The following RBKS variants were observed in gnomAD, a reference collection of about 807,000 sequenced individuals.
RBKS encodes the protein ribokinase.
Under a neutral mutation model 33.9 loss-of-function variants are expected in RBKS, and 33 were observed. The ratio of observed to expected loss-of-function variants is 0.97; its 90% CI spans 0.74 to 1.30. The LOEUF (loss-of-function observed/expected upper bound fraction) is 1.30, where lower values mean the gene tolerates loss of function less well. RBKS is among the 50% of genes most tolerant of loss of function. The pLI is 0.00. For missense variants in RBKS, 361 were observed against 392.6 expected (o/e 0.92, Z 0.68); for synonymous variants, 125 against 143.0 (o/e 0.87, Z 0.90).
At chr2:27,783,523 C>T (rs1677328256) in intron 7 of RBKS, among the ~76,000 whole-genome samples, 1 of 151,014 alleles carries the variant, frequency 6.6e-6, no homozygotes, top group African/African-American at 2.5e-5. Flanking sequence ...AGTCTGTGGA[C>T]CTGTGCCTTT....
At chr2:27,862,396 A>G (rs895655051) in intron 1 of RBKS, among the ~76,000 whole-genome samples, 3 of 152,236 alleles carry the variant, frequency 2.0e-5, no homozygotes, top group African/African-American at 7.2e-5. Context: ...TCTTATGCAC[A>G]TAAATACATA....
chr2:27,797,670 T>A (rs548140393), intron 7 of RBKS, among the ~76,000 whole-genome samples: 70 of 152,254 alleles, frequency 4.6e-4, no homozygotes, highest in Middle Eastern at 6.8e-3. Flanking sequence ...GGGTCCATTT[T>A]CCTCTGTGTG....
chr2:27,887,001 A>C (rs754899522), intron 1 of RBKS, among the ~76,000 whole-genome samples: 11 of 152,196 alleles, frequency 7.2e-5, no homozygotes, highest in Non-Finnish European at 1.3e-4. Flanking sequence ...CCCCTCTCCC[A>C]AAGTATGTCC....
At chr2:27,823,378 C>A (rs1678250050) in intron 7 of RBKS, among the ~76,000 whole-genome samples, 1 of 152,210 alleles carries the variant, frequency 6.6e-6, no homozygotes, top group African/African-American at 2.4e-5. Flanking sequence ...ATGGCTTCTT[C>A]TAGGCAGGCT....
At chr2:27,796,366 C>G (rs759935320) in intron 7 of RBKS, among the ~76,000 whole-genome samples, 16 of 152,088 alleles carry the variant, frequency 1.1e-4, no homozygotes, top group Admixed American at 6.5e-4. Flanking sequence ...TGGTTTTAAC[C>G]TTTTACTGAA....
intron 1 of RBKS, among the ~76,000 whole-genome samples, chr2:27,878,155 A>G (rs1371318748): frequency 3.3e-5 from 5 of 151,774 alleles, no homozygotes; most frequent in Admixed American, 6.6e-5. Flanking sequence ...AGCATTAGGT[A>G]TATCTCCTAA....
At chr2:27,859,153 C>A (rs1403458464) in intron 1 of RBKS, among the ~76,000 whole-genome samples, 1 of 152,080 alleles carries the variant, frequency 6.6e-6, no homozygotes, top group Non-Finnish European at 1.5e-5. Flanking sequence ...CTTAGTCCAT[C>A]CTGCATACCA....
At chr2:27,889,837 A>G in intron 1 of RBKS, 1 of 164,350 alleles carries the variant, frequency 6.1e-6, no homozygotes, top group Non-Finnish European at 1.3e-5. Flanking sequence ...TACGCTTGAC[A>G]AAACACTTTA....
intron 7 of RBKS, among the ~76,000 whole-genome samples, chr2:27,794,681 T>C (rs1324555333): frequency 4.8e-5 from 7 of 147,280 alleles, no homozygotes; most frequent in Admixed American, 4.1e-4. Flanking sequence ...TGGAGTGCAA[T>C]AGCACGATCT....
At chr2:27,872,957 G>C (rs533033004) in intron 1 of RBKS, among the ~76,000 whole-genome samples, 1 of 152,306 alleles carries the variant, frequency 6.6e-6, no homozygotes, top group Admixed American at 6.5e-5. Context: ...GGAATGAGCA[G>C]GTGCTATACT....
intron 7 of RBKS, among the ~76,000 whole-genome samples, chr2:27,804,710 AG>A (rs765880844): frequency 6.6e-6 from 1 of 152,156 alleles, no homozygotes; most frequent in African/African-American, 2.4e-5. Context: ...GAGTTTGTAA[AG>A]TTTTCAAATT....
chr2:27,827,858 A>G, intron 6 of RBKS, 103 bp from the exon 7 acceptor site: 1 of 994,468 alleles, frequency 1.0e-6, no homozygotes, highest in South Asian at 1.9e-5. Context: ...TTTTTATAAC[A>G]ACCAATGCAA....
intron 7 of RBKS, among the ~76,000 whole-genome samples, chr2:27,783,273 CCT>C (rs1677322962): frequency 6.6e-6 from 1 of 151,996 alleles, no homozygotes; most frequent in African/African-American, 2.4e-5. Context: ...CAAAACCTCG[CCT>C]CTACAAAAAC....
Position 27,888,614 on chromosome 2 carries a change from G to C in RBKS, c.89+1643C>G, listed in dbSNP as rs1021606223. Among the ~76,000 whole-genome samples the C allele has an allele frequency of 9.9e-5, 15 of 152,192 alleles. No homozygotes were observed. The East Asian group carries it at 2.3e-3, about 24-fold the overall frequency. ...ATGCTCTATTTTTATACAAAATTTAGTAAGTACCATATAACCTTTTCTTGA... is the reference window on the plus strand; with the variant it reads ...ATGCTCTATTTTTATACAAAATTTACTAAGTACCATATAACCTTTTCTTGA... On this transcript the variant is annotated intron_variant, in intron 1 of 7. Coordinates refer to ENST00000302188, the MANE Select transcript of RBKS (RefSeq NM_022128.3).
intron 1 of RBKS, among the ~76,000 whole-genome samples, chr2:27,874,997 A>C (rs994909869): frequency 9.2e-5 from 14 of 152,202 alleles, no homozygotes; most frequent in Non-Finnish European, 1.9e-4. Context: ...TAAAATCTTA[A>C]GGAGTGTCCA....
intron 7 of RBKS, among the ~76,000 whole-genome samples, chr2:27,814,922 A>G (rs926632894): frequency 6.6e-6 from 1 of 152,236 alleles, no homozygotes; most frequent in Non-Finnish European, 1.5e-5. Context: ...ACTGCAGTAC[A>G]TTCTGTTCAC....
At chr2:27,883,812 C>A (rs1323203663) in intron 1 of RBKS, among the ~76,000 whole-genome samples, 1 of 151,842 alleles carries the variant, frequency 6.6e-6, no homozygotes, top group East Asian at 1.9e-4. Flanking sequence ...CCTCCCACAT[C>A]GGCCTCCCAA....
At chr2:27,841,156 C>T (rs1024367153) in intron 5 of RBKS, among the ~76,000 whole-genome samples, 1 of 152,010 alleles carries the variant, frequency 6.6e-6, no homozygotes, top group Non-Finnish European at 1.5e-5. Context: ...CCTTTCTGGA[C>T]CCCACCCAAT....
At chr2:27,861,565 T>G (rs768357838) in intron 1 of RBKS, 14 of 470,770 alleles carry the variant, frequency 3.0e-5, no homozygotes, top group South Asian at 2.0e-4. Flanking sequence ...CAAAATCAAC[T>G]TGTTGACAAT....
Sources: gnomAD v4.1 joint callset for allele counts (sites outside exome capture counted in the v4.1 genomes callset) on GRCh38, gnomAD v4.1.1 for gene constraint, MANE v1.5 for transcripts, NCBI Gene and HGNC (gene_info 2026-07-23, HGNC 2026-07-21) for gene names.